Variants in CDH12 observed in about 807,000 individuals in gnomAD.
CDH12 encodes cadherin-12.
Under a neutral mutation model 74.1 loss-of-function variants are expected in CDH12, and 41 were observed. The observed-to-expected ratio is 0.55, with a 90% CI of 0.43 to 0.72. The LOEUF is 0.72. Ranked by LOEUF, CDH12 falls within the 30% of genes least tolerant of loss-of-function variation. The pLI is 0.00. For synonymous variants in CDH12, 399 were observed against 355.0 expected (o/e 1.12, Z -1.39); for missense variants, 945 against 977.2 (o/e 0.97, Z 0.44).
intron 2 of CDH12, among the ~76,000 whole-genome samples, chr5:22,456,099 T>G (rs1412838035): frequency 7.8e-6 from 1 of 128,692 alleles, no homozygotes; most frequent in Non-Finnish European, 1.6e-5. Flanking sequence ...ATTTCTGCCA[T>G]GTGGATATTA....
At chr5:21,936,421 T>C (rs1579987739) in intron 6 of CDH12, among the ~76,000 whole-genome samples, 1 of 152,266 alleles carries the variant, frequency 6.6e-6, no homozygotes, top group East Asian at 1.9e-4. Context: ...TCTTATTTAA[T>C]AGATATGTAT....
At position 21,751,410 on chromosome 5, in the gene CDH12, G is replaced by T; in HGVS notation, c.*327C>A. 1 of 233,308 alleles carries T rather than the reference G, an allele frequency of 4.3e-6. No individual in the cohort carries two copies. Among genetic ancestry groups the T allele is most frequent in the Non-Finnish European group, 8.5e-6 (1 of 117,032 alleles). The allele number at this position is 233,308 out of a possible 1,614,324, so 14.5% of individuals were successfully genotyped here. ...ACCGTGATGCCACATAGCTATCTTC[G>T]TTCTAGGTTGTCATGTCAGTAAATT... On this transcript the variant is annotated 3_prime_UTR_variant, in exon 15 of 15. Transcript: ENST00000382254.
At chr5:22,612,891 C>T (rs1005876771) in intron 1 of CDH12, among the ~76,000 whole-genome samples, 1 of 151,980 alleles carries the variant, frequency 6.6e-6, no homozygotes, top group African/African-American at 2.4e-5. Context: ...ATTAGGTGAC[C>T]AAAATATTGG....
intron 1 of CDH12, among the ~76,000 whole-genome samples, chr5:22,758,851 G>A (rs1746065432): frequency 6.6e-6 from 1 of 152,070 alleles, no homozygotes; most frequent in Admixed American, 6.6e-5. Flanking sequence ...TTTATATTCA[G>A]CATGCTTCAG....
intron 7 of CDH12, among the ~76,000 whole-genome samples, chr5:21,847,588 C>T (rs754404750): frequency 6.6e-6 from 1 of 152,002 alleles, no homozygotes; most frequent in African/African-American, 2.4e-5. Flanking sequence ...GACTCTGACC[C>T]TTCTGCTTCC....
chr5:22,515,494 T>C (rs1736771493), intron 1 of CDH12, among the ~76,000 whole-genome samples: 1 of 152,098 alleles, frequency 6.6e-6, no homozygotes, highest in African/African-American at 2.4e-5. Flanking sequence ...TCTACATAAA[T>C]ACATAATTCT....
At chr5:21,839,750 T>A (rs1277997897) in intron 8 of CDH12, among the ~76,000 whole-genome samples, 1 of 152,128 alleles carries the variant, frequency 6.6e-6, no homozygotes, top group African/African-American at 2.4e-5. Context: ...AAAACTGTGT[T>A]TTTTTGACTG....
chr5:22,744,783 A>C (rs1046957867), intron 1 of CDH12, among the ~76,000 whole-genome samples: 3 of 152,032 alleles, frequency 2.0e-5, no homozygotes, highest in Non-Finnish European at 4.4e-5. Context: ...ATGTGGTGAT[A>C]TTTTACCAAG....
intron 8 of CDH12, among the ~76,000 whole-genome samples, chr5:21,819,049 C>T (rs1475331657): frequency 6.6e-6 from 1 of 151,926 alleles, no homozygotes; most frequent in East Asian, 1.9e-4. Context: ...GAATTTGAGG[C>T]AATCAAATCA....
At chr5:22,473,317 A>G (rs1226550622) in intron 2 of CDH12, among the ~76,000 whole-genome samples, 1 of 152,126 alleles carries the variant, frequency 6.6e-6, no homozygotes, top group Non-Finnish European at 1.5e-5. Flanking sequence ...AATTTAAAGC[A>G]CCTATTAACA....
chr5:22,553,191 TG>T (rs2126736797), intron 1 of CDH12, among the ~76,000 whole-genome samples: 1 of 152,270 alleles, frequency 6.6e-6, no homozygotes, highest in Non-Finnish European at 1.5e-5. Flanking sequence ...TGTTTTCTCC[TG>T]CAAATGCTAT....
At chr5:22,225,732 A>C (rs546097107) in intron 3 of CDH12, among the ~76,000 whole-genome samples, 1 of 152,174 alleles carries the variant, frequency 6.6e-6, no homozygotes, top group Non-Finnish European at 1.5e-5. Context: ...CAACAGATTC[A>C]CCTTAAGAAT....
At chr5:21,894,339 G>A (rs1043765175) in intron 6 of CDH12, among the ~76,000 whole-genome samples, 30 of 143,376 alleles carry the variant, frequency 2.1e-4, no homozygotes, top group African/African-American at 6.3e-4. Context: ...AGATTGTGCC[G>A]CTGCACTCCA....
chr5:21,986,878 ATTTAAT>A (rs1757539117), intron 5 of CDH12, among the ~76,000 whole-genome samples: 1 of 152,090 alleles, frequency 6.6e-6, no homozygotes, highest in South Asian at 2.1e-4. Context: ...TATAAGTTTT[ATTTAAT>A]TTTGACTAAC....
chr5:22,766,097 G>A (rs1364605955), intron 1 of CDH12, among the ~76,000 whole-genome samples: 7 of 151,768 alleles, frequency 4.6e-5, no homozygotes, highest in Non-Finnish European at 8.8e-5. Flanking sequence ...CTACCATAAT[G>A]GCAAAATAAT....
chr5:22,164,451 C>T (rs1367135904), intron 4 of CDH12, among the ~76,000 whole-genome samples: 2 of 152,280 alleles, frequency 1.3e-5, no homozygotes, highest in Middle Eastern at 3.4e-3. Flanking sequence ...CTGCTGGATC[C>T]TGAGGGATGG....
intron 1 of CDH12, among the ~76,000 whole-genome samples, chr5:22,588,504 C>A (rs1442446899): frequency 6.6e-6 from 1 of 152,072 alleles, no homozygotes; most frequent in African/African-American, 2.4e-5. Context: ...GCCTGAGGTA[C>A]TGGTTTGGGA....
chr5:21,766,885 G>A (rs1745056523), intron 11 of CDH12, among the ~76,000 whole-genome samples: 1 of 151,680 alleles, frequency 6.6e-6, no homozygotes, highest in South Asian at 2.1e-4. Context: ...CCTTTGTGTA[G>A]GTGAAACTCT....
At chr5:22,455,035 G>C (rs575044427) in intron 2 of CDH12, among the ~76,000 whole-genome samples, 1 of 152,176 alleles carries the variant, frequency 6.6e-6, no homozygotes, top group African/African-American at 2.4e-5. Context: ...GAGGTAAACA[G>C]AGTGAGGATA....
Sources: allele counts gnomAD v4.1 joint callset (sites outside exome capture counted in the v4.1 genomes callset), GRCh38; gene constraint gnomAD v4.1.1; transcripts MANE v1.5; gene names NCBI Gene and HGNC (gene_info 2026-07-23, HGNC 2026-07-21).